ELF4: variants seen among roughly 807,000 people sequenced by gnomAD.
ELF4 encodes the protein E74 like ETS transcription factor 4, also known as ETS-related transcription factor Elf-4.
Under a neutral mutation model 31.7 loss-of-function variants are expected in ELF4, and 10 were observed. The observed-to-expected ratio is 0.32, with a 90% CI of 0.19 to 0.54. The LOEUF (loss-of-function observed/expected upper bound fraction) is 0.54. ELF4 is among the 20% of genes least tolerant of loss of function. The pLI, the probability that ELF4 is intolerant of heterozygous loss-of-function variation, is 0.95. For missense variants in ELF4, 418 were observed against 522.0 expected (o/e 0.80, Z 1.94); for synonymous variants, 208 against 226.7 (o/e 0.92, Z 0.74).
At chrX:130,074,529 A>C in intron 3 of ELF4, 52 bp downstream of exon 3, 1 of 1,206,562 alleles carries the variant, frequency 8.3e-7, no homozygotes, top group Non-Finnish European at 1.1e-6. Flanking sequence ...TGTTCCCTAA[A>C]GACACAGCCC....
Position 130,065,012 on chromosome X carries a change from C to A in ELF4, c.*1709G>T, listed in dbSNP as rs1932628598. ...CGCATAGTAAATACATTTGCACAAC[C>A]AAACACAGTGCCCTCCAGGGGGCAG... On this transcript the variant is annotated 3_prime_UTR_variant, in exon 9 of 9. Coordinates refer to ENST00000308167, the MANE Select transcript of ELF4 (RefSeq NM_001421.4). 1.2e-5 allele frequency: 2 copies of A among 170,829 alleles called. No homozygotes were observed. The highest frequency in any genetic ancestry group is 3.0e-5 in the African/African-American group (1 of 33,721). The allele number at this position is 170,829 out of a possible 1,213,427, so 14.1% of individuals were successfully genotyped here. A position where few individuals can be genotyped will look rare whatever the true frequency, so the allele number is the denominator to read the frequency against.
chrX:130,086,304 C>A (rs1932959293), intron 1 of ELF4, among the ~76,000 whole-genome samples: 1 of 112,257 alleles, frequency 8.9e-6, no homozygotes, highest in African/African-American at 3.2e-5. Context: ...TCTGTCACCA[C>A]CTGATTCCAG....
At chrX:130,105,373 CACCTT>C (rs1343857290) in intron 1 of ELF4, among the ~76,000 whole-genome samples, 2 of 111,563 alleles carry the variant, frequency 1.8e-5, no homozygotes, top group Non-Finnish European at 3.8e-5. Context: ...CCGAGAAACT[CACCTT>C]AGGGCATGAT....
chrX:130,102,100 C>CAT (rs1569410336), intron 1 of ELF4, among the ~76,000 whole-genome samples: 2 of 111,828 alleles, frequency 1.8e-5, no homozygotes, highest in African/African-American at 6.5e-5. Flanking sequence ...GAACTGAGAT[C>CAT]GCACGACTGG....
At position 130,074,032 on chromosome X, in the gene ELF4, C is replaced by T. The variant is rs777325372; in HGVS notation, c.340+17G>A. 10 of 1,206,354 alleles carry T rather than the reference C, an allele frequency of 8.3e-6. No homozygotes were observed. The South Asian group carries it at 1.8e-4, about 21-fold the overall frequency. On this transcript the variant is annotated intron_variant, in intron 4 of 8. Transcript: ENST00000308167. ...TATTTTGTTGCCTTGAGTTCAGGCACTGGGGTTCAAACTTACAGATCTGCT... is the reference window on the plus strand; with the variant it reads ...TATTTTGTTGCCTTGAGTTCAGGCATTGGGGTTCAAACTTACAGATCTGCT...
intron 1 of ELF4, among the ~76,000 whole-genome samples, chrX:130,102,873 AGAG>A (rs1933292187): frequency 1.3e-5 from 1 of 76,898 alleles, no homozygotes; most frequent in Non-Finnish European, 2.4e-5. Flanking sequence ...AGAGAGAGAG[AGAG>A]AGAGAGAGAG....
intron 1 of ELF4, among the ~76,000 whole-genome samples, chrX:130,103,717 A>G (rs1211904114): frequency 8.9e-6 from 1 of 112,233 alleles, no homozygotes; most frequent in Non-Finnish European, 1.9e-5. Context: ...CCACCCTCCC[A>G]TCCCCCAAAG....
chrX:130,077,916 T>C (rs1932848613), intron 2 of ELF4, among the ~76,000 whole-genome samples: 1 of 112,260 alleles, frequency 8.9e-6, no homozygotes, highest in Non-Finnish European at 1.9e-5. Context: ...GTTCATTTAA[T>C]ACATGTCTAC....
chrX:130,094,181 C>T (rs1250842723), intron 1 of ELF4, among the ~76,000 whole-genome samples: 3 of 111,183 alleles, frequency 2.7e-5, no homozygotes, highest in African/African-American at 6.6e-5. Context: ...GTCAGGAGTT[C>T]GAGACCAGCC....
At chrX:130,094,637 C>G (rs184150583) in intron 1 of ELF4, among the ~76,000 whole-genome samples, 1 of 110,646 alleles carries the variant, frequency 9.0e-6, no homozygotes, top group East Asian at 2.8e-4. Flanking sequence ...TATGTCCCCC[C>G]TAGGACAAAG....
At chrX:130,094,332 C>T (rs758870603) in intron 1 of ELF4, among the ~76,000 whole-genome samples, 4 of 110,613 alleles carry the variant, frequency 3.6e-5, no homozygotes, top group African/African-American at 9.9e-5. Context: ...TGCAGTGAGC[C>T]GAGATCACGC....
intron 1 of ELF4, among the ~76,000 whole-genome samples, chrX:130,102,650 CAA>C (rs34986443): frequency 9.7e-6 from 1 of 102,901 alleles, no homozygotes; most frequent in African/African-American, 3.6e-5. Flanking sequence ...CATACCTCTA[CAA>C]AAAAAAAATT....
chrX:130,085,157 G>A (rs1932942897), intron 1 of ELF4, among the ~76,000 whole-genome samples: 1 of 112,059 alleles, frequency 8.9e-6, no homozygotes, highest in Non-Finnish European at 1.9e-5. Context: ...CCCTCGCAGG[G>A]TGGCAAGAGC....
At chrX:130,072,822 G>T (rs976321630) in intron 4 of ELF4, among the ~76,000 whole-genome samples, 1 of 112,057 alleles carries the variant, frequency 8.9e-6, no homozygotes, top group South Asian at 3.7e-4. Context: ...TGTGCCCAAG[G>T]TCACACAGCA....
At chrX:130,089,219 A>T (rs1406972718) in intron 1 of ELF4, among the ~76,000 whole-genome samples, 2 of 109,235 alleles carry the variant, frequency 1.8e-5, no homozygotes, top group Non-Finnish European at 3.8e-5. Context: ...CTCAAGTTAG[A>T]AGGCCAGGTG....
intron 6 of ELF4, 42 bp downstream of exon 6, chrX:130,071,293 AG>A (rs1386766947): frequency 8.3e-7 from 1 of 1,208,723 alleles, no homozygotes; most frequent in East Asian, 3.0e-5. Context: ...GCAGCAGGGA[AG>A]GGGCTCCCTC....
rs1395050656 is a variant in ELF4, at chrX:130,075,970, C to T, written c.76-1218G>A. On this transcript the variant is annotated intron_variant, in intron 2 of 8. Coordinates refer to ENST00000308167, the MANE Select transcript of ELF4 (RefSeq NM_001421.4). ...AGGGAGGGCCCAGGAGGAGGAAGAGCAGGCTGTGGACCAAGATAAGGGCTA... is the reference window on the plus strand; with the variant it reads ...AGGGAGGGCCCAGGAGGAGGAAGAGTAGGCTGTGGACCAAGATAAGGGCTA... Among the ~76,000 whole-genome samples the T allele has an allele frequency of 2.7e-5, 3 of 111,346 alleles. No homozygotes were observed. The Admixed American group carries it at 2.9e-4, about 11-fold the overall frequency.
Position 130,065,742 on chromosome X carries a change from G to A in ELF4, c.*979C>T, listed in dbSNP as rs1303301259. The A allele has an allele frequency of 1.1e-5, 2 of 174,443 alleles. No homozygotes were observed. The highest frequency in any genetic ancestry group is 1.1e-5 in the Non-Finnish European group (1 of 91,437). 14.4% of individuals were successfully genotyped at this position (174,443 alleles called of 1,213,427 possible). A position where few individuals can be genotyped will look rare whatever the true frequency, so the allele number is the denominator to read the frequency against. ...AAAGGCTATTGTCTGGCGGGGGGCC[G>A]GTATCACACAAACAGCCCAAGCCCT... On this transcript the variant is annotated 3_prime_UTR_variant, in exon 9 of 9. Coordinates refer to ENST00000308167, the MANE Select transcript of ELF4 (RefSeq NM_001421.4).
chrX:130,068,064 G>T (rs754625605), intron 8 of ELF4, among the ~76,000 whole-genome samples: 1 of 111,382 alleles, frequency 9.0e-6, no homozygotes, highest in African/African-American at 3.3e-5. Context: ...CACCTGCCTC[G>T]GCCTCCCAAA....
Sources: allele counts gnomAD v4.1 joint callset (sites outside exome capture counted in the v4.1 genomes callset), GRCh38; gene constraint gnomAD v4.1.1; transcripts MANE v1.5; gene names NCBI Gene and HGNC (gene_info 2026-07-23, HGNC 2026-07-21).